Variants in CALN1 observed in about 807,000 individuals in gnomAD.
CALN1 encodes the protein calcium-binding protein 8.
In CALN1, 17 loss-of-function variants were observed where a neutral mutation model predicts 30.6. The observed-to-expected ratio is 0.56, with a 90% CI of 0.38 to 0.83. The LOEUF (loss-of-function observed/expected upper bound fraction) is 0.83, where lower values mean the gene tolerates loss of function less well. Among genes scored for constraint, CALN1 ranks in the 40% least tolerant of loss-of-function variants. The pLI, the probability that CALN1 is intolerant of heterozygous loss-of-function variation, is 0.00. For synonymous variants in CALN1, 156 were observed against 131.4 expected (o/e 1.19, Z -1.28); for missense variants, 291 against 354.9 (o/e 0.82, Z 1.45).
intron 5 of CALN1, among the ~76,000 whole-genome samples, chr7:71,878,176 T>C (rs1792358136): frequency 6.6e-6 from 1 of 152,182 alleles, no homozygotes; most frequent in Non-Finnish European, 1.5e-5. Context: ...ATAAGTTAAG[T>C]ATTTAAGAAA....
chr7:72,269,078 C>T (rs1425486426), intron 3 of CALN1, among the ~76,000 whole-genome samples: 1 of 152,008 alleles, frequency 6.6e-6, no homozygotes, highest in Middle Eastern at 3.2e-3. Context: ...AGTAGCTGCA[C>T]GAACTAGAAT....
chr7:72,487,944 A>AG, the CALN1 span, among the ~76,000 whole-genome samples: 3 of 79,030 alleles, frequency 3.8e-5, no homozygotes, highest in South Asian at 3.8e-4. Context: ...GAAGGAAGGA[A>AG]GGAAGGAAGG....
intron 3 of CALN1, among the ~76,000 whole-genome samples, chr7:72,114,646 A>T (rs1807836882): frequency 6.6e-6 from 1 of 152,134 alleles, no homozygotes; most frequent in Non-Finnish European, 1.5e-5. Context: ...AGAAATTAGG[A>T]AACATAGAGG....
At chr7:72,310,196 C>T (rs1275538413) in intron 2 of CALN1, among the ~76,000 whole-genome samples, 1 of 151,724 alleles carries the variant, frequency 6.6e-6, no homozygotes, top group Non-Finnish European at 1.5e-5. Context: ...AGCCCCCTGA[C>T]CTAGTCCTGG....
intron 3 of CALN1, among the ~76,000 whole-genome samples, chr7:72,256,063 C>T (rs192625101): frequency 1.3e-5 from 2 of 152,310 alleles, no homozygotes; most frequent in Admixed American, 6.5e-5. Flanking sequence ...TATACGGAAG[C>T]GATGGGCACT....
chr7:71,931,994 T>C (rs73185100), intron 5 of CALN1, among the ~76,000 whole-genome samples: 6,884 of 152,210 alleles, frequency 0.045, 226 homozygotes, highest in Non-Finnish European at 0.07. Flanking sequence ...ATGACACTGC[T>C]GGTGTGATTC....
intron 2 of CALN1, among the ~76,000 whole-genome samples, chr7:72,361,472 C>A (rs1368465780): frequency 6.6e-6 from 1 of 152,198 alleles, no homozygotes; most frequent in African/African-American, 2.4e-5. Flanking sequence ...CACCACTGCA[C>A]TCCAGCCTGG....
At chr7:72,356,068 T>C (rs547712559) in intron 2 of CALN1, among the ~76,000 whole-genome samples, 1 of 152,206 alleles carries the variant, frequency 6.6e-6, no homozygotes, top group Non-Finnish European at 1.5e-5. Flanking sequence ...ATTGTATACA[T>C]GTATCAAAAT....
At chr7:72,451,013 A>T (rs763702115), upstream of CALN1, among the ~76,000 whole-genome samples, 39 of 151,954 alleles carry the variant, frequency 2.6e-4, no homozygotes, top group Non-Finnish European at 3.5e-4. Context: ...TCTGTGCCCC[A>T]GGATGCTACA....
chr7:72,351,578 A>C (rs1802918434), intron 2 of CALN1, among the ~76,000 whole-genome samples: 1 of 152,220 alleles, frequency 6.6e-6, no homozygotes, highest in African/African-American at 2.4e-5. Context: ...AGGAAATGGA[A>C]ATATACTATT....
intron 5 of CALN1, among the ~76,000 whole-genome samples, chr7:71,832,018 T>A (rs1345466467): frequency 6.6e-6 from 1 of 152,130 alleles, no homozygotes; most frequent in East Asian, 1.9e-4. Flanking sequence ...GATGCCAATT[T>A]CATCTCTGTA....
At chr7:72,237,500 A>G (rs980033601) in intron 3 of CALN1, among the ~76,000 whole-genome samples, 1 of 152,238 alleles carries the variant, frequency 6.6e-6, no homozygotes, top group African/African-American at 2.4e-5. Context: ...AGAGAGCAGC[A>G]GACCAGGAGA....
intron 6 of CALN1, among the ~76,000 whole-genome samples, chr7:71,806,771 T>C (rs1291060632): frequency 2.0e-5 from 3 of 152,174 alleles, no homozygotes; most frequent in Non-Finnish European, 2.9e-5. Flanking sequence ...CACATCCTGA[T>C]GGTTTCATCA....
At chr7:72,168,810 T>A (rs867808385) in intron 3 of CALN1, among the ~76,000 whole-genome samples, 9,568 of 145,126 alleles carry the variant, frequency 0.066, 402 homozygotes, top group South Asian at 0.13. Context: ...TTATTATTTT[T>A]TTTTTTTTTT....
In CALN1 at chr7:71,971,347, G is replaced by A. The variant is rs1292933421; in HGVS notation, c.501+52310C>T. 3.3e-5 allele frequency among the ~76,000 whole-genome samples: 5 copies of A among 152,272 alleles called. No individual in the cohort carries two copies. In the East Asian group the frequency reaches 5.8e-4, roughly 18 times the overall value. Reference sequence around the variant, plus strand: ...TGCCTGTAATCCCAGCTACTTGGGAGGCTGAGGCAGGAGAATCGCTTGAAC... The same window carrying A: ...TGCCTGTAATCCCAGCTACTTGGGAAGCTGAGGCAGGAGAATCGCTTGAAC... On this transcript the variant is annotated intron_variant, in intron 5 of 6. Transcript: ENST00000395275.
chr7:72,089,662 C>G (rs1390371079), intron 4 of CALN1, among the ~76,000 whole-genome samples: 4 of 151,996 alleles, frequency 2.6e-5, no homozygotes, highest in Non-Finnish European at 2.9e-5. Flanking sequence ...TATGCAAACA[C>G]AAGCAAAAAG....
At chr7:72,422,532 G>A (rs1284727796) in intron 1 of CALN1, among the ~76,000 whole-genome samples, 1 of 152,114 alleles carries the variant, frequency 6.6e-6, no homozygotes, top group Admixed American at 6.5e-5. Flanking sequence ...GCAGAGGGGA[G>A]GCTTAGTTTA....
At chr7:72,096,070 TAGATAGATAGATAGATAGATAA>T (rs1202767708) in intron 4 of CALN1, among the ~76,000 whole-genome samples, 7 of 151,670 alleles carry the variant, frequency 4.6e-5, no homozygotes, top group South Asian at 2.1e-4. Context: ...GATAGATAGA[TAGATAGATAGATAGATAGATAA>T]AGATAGATAG....
chr7:71,811,723 G>A (rs997629221), intron 5 of CALN1, among the ~76,000 whole-genome samples: 2 of 149,444 alleles, frequency 1.3e-5, no homozygotes, highest in Non-Finnish European at 3.0e-5. Flanking sequence ...CCATCTCGCA[G>A]GCTGGAGTGC....
Sources: gnomAD v4.1 joint callset for allele counts (sites outside exome capture counted in the v4.1 genomes callset) on GRCh38, gnomAD v4.1.1 for gene constraint, MANE v1.5 for transcripts, NCBI Gene and HGNC (gene_info 2026-07-23, HGNC 2026-07-21) for gene names.